BORCS5: variants seen among roughly 807,000 people sequenced by gnomAD.
BORCS5 encodes BLOC-1 related complex subunit 5.
In BORCS5, 17 loss-of-function variants were observed where a neutral mutation model predicts 22.1. The observed-to-expected ratio is 0.77, with a 90% CI of 0.53 to 1.15. BORCS5 has a LOEUF of 1.15. Among genes scored for constraint, BORCS5 ranks in the 50% most tolerant of loss-of-function variants. The pLI is 0.00. For synonymous variants in BORCS5, 117 were observed against 99.8 expected, an observed-to-expected ratio of 1.17 and a Z score of -1.03; for missense variants, 247 against 253.2, an observed-to-expected ratio of 0.98 and a Z score of 0.17.
chr12:12,362,877 C>T (rs1863322098), intron 2 of BORCS5, among the ~76,000 whole-genome samples: 1 of 151,850 alleles, frequency 6.6e-6, no homozygotes, highest in African/African-American at 2.4e-5. Flanking sequence ...TCTCGAACTC[C>T]TGACCTCAGG....
intron 2 of BORCS5, among the ~76,000 whole-genome samples, chr12:12,364,268 T>C (rs985909266): frequency 4.6e-5 from 7 of 151,946 alleles, no homozygotes; most frequent in Admixed American, 2.6e-4. Flanking sequence ...CCCAGCTACT[T>C]GGGAGGCTGA....
chr12:12,372,229 G>A (rs1565836183), intron 2 of BORCS5, among the ~76,000 whole-genome samples: 1 of 152,144 alleles, frequency 6.6e-6, no homozygotes, highest in African/African-American at 2.4e-5. Flanking sequence ...TAGTAGAGAC[G>A]GGGTTTCGCC....
chr12:12,416,433 T>C (rs1224480660), intron 2 of BORCS5, among the ~76,000 whole-genome samples: 1 of 151,898 alleles, frequency 6.6e-6, no homozygotes, highest in Admixed American at 6.6e-5. Context: ...GAGATCTTTC[T>C]TTTTATTTTT....
Position 12,398,647 on chromosome 12 carries a change from G to A in BORCS5, c.203-36981G>A, listed in dbSNP as rs1183173436. ...TCAAGGATGAGTGAAGAAGTCTCTGGAATACAGTGCTATCAAACTCAAAAT... is the reference window on the plus strand; with the variant it reads ...TCAAGGATGAGTGAAGAAGTCTCTGAAATACAGTGCTATCAAACTCAAAAT... On this transcript the variant is annotated intron_variant, in intron 2 of 3. Coordinates refer to ENST00000314565, the MANE Select transcript of BORCS5 (RefSeq NM_058169.6). 2.0e-5 allele frequency among the ~76,000 whole-genome samples: 3 copies of A among 152,080 alleles called. No homozygotes were observed. The East Asian group carries it at 5.8e-4, about 29-fold the overall frequency.
Position 12,362,636 on chromosome 12 carries a change from C to CTTTTTTTTTTTT in BORCS5, c.202+1302_202+1313dup, listed in dbSNP as rs71436712. On this transcript the variant is annotated intron_variant, in intron 2 of 3. Coordinates refer to ENST00000314565, the MANE Select transcript of BORCS5 (RefSeq NM_058169.6). ...CAACACATTATATCATGTTACTCAT[C>CTTTTTTTTTTTT]TTTTTTTTTTTTTTTTTTTTTTTTT... 1.9e-4 allele frequency among the ~76,000 whole-genome samples: 11 copies of CTTTTTTTTTTTT among 57,552 alleles called. 1 individual carries two copies. The highest frequency in any genetic ancestry group is 3.8e-4 in the African/African-American group (7 of 18,236). 37.8% of individuals were successfully genotyped at this position (57,552 alleles called of 152,430 possible). A position where few individuals can be genotyped will look rare whatever the true frequency, so the allele number is the denominator to read the frequency against.
intron 2 of BORCS5, among the ~76,000 whole-genome samples, chr12:12,421,232 C>T (rs1490759287): frequency 6.6e-6 from 1 of 151,994 alleles, no homozygotes; most frequent in Admixed American, 6.6e-5. Flanking sequence ...CCATCAATAC[C>T]CAGTTTATTG....
At chr12:12,434,490 G>T (rs1476502561) in intron 2 of BORCS5, among the ~76,000 whole-genome samples, 1 of 152,212 alleles carries the variant, frequency 6.6e-6, no homozygotes, top group East Asian at 1.9e-4. Flanking sequence ...GACATTATTT[G>T]CAAAACATGC....
chr12:12,376,287 G>C (rs1233300459), intron 2 of BORCS5, among the ~76,000 whole-genome samples: 2 of 148,886 alleles, frequency 1.3e-5, no homozygotes. Context: ...AGGCTGGAGT[G>C]CAGTGGCACC....
intron 2 of BORCS5, among the ~76,000 whole-genome samples, chr12:12,415,097 C>A (rs1480517209): frequency 7.5e-4 from 113 of 150,188 alleles, no homozygotes; most frequent in African/African-American, 2.6e-3. Flanking sequence ...TCCTCATATC[C>A]CAGACGATGG....
In BORCS5 at chr12:12,386,173, G is replaced by A. The variant is rs560665453; in HGVS notation, c.202+24824G>A. 2.7e-5 allele frequency among the ~76,000 whole-genome samples: 4 copies of A among 150,794 alleles called. No homozygotes were observed. The South Asian group carries it at 8.4e-4, about 32-fold the overall frequency. On this transcript the variant is annotated intron_variant, in intron 2 of 3. Coordinates refer to ENST00000314565, the MANE Select transcript of BORCS5 (RefSeq NM_058169.6). ...GTGCCACCATGCCTGGCTAATTTTT[G>A]TATTTTTAGTAGAGACAGCATTTCG...
chr12:12,426,415 A>G (rs144492250), intron 2 of BORCS5, among the ~76,000 whole-genome samples: 1 of 152,358 alleles, frequency 6.6e-6, no homozygotes, highest in East Asian at 1.9e-4. Flanking sequence ...ATTTTATAGC[A>G]GTGAACAGGA....
intron 2 of BORCS5, among the ~76,000 whole-genome samples, chr12:12,372,432 C>T (rs1016879541): frequency 2.6e-5 from 4 of 152,172 alleles, no homozygotes; most frequent in African/African-American, 9.7e-5. Flanking sequence ...GCAGCCTCAA[C>T]CCCCCTGGGC....
chr12:12,407,038 G>A (rs973852380), intron 2 of BORCS5, among the ~76,000 whole-genome samples: 1 of 152,176 alleles, frequency 6.6e-6, no homozygotes, highest in Non-Finnish European at 1.5e-5. Context: ...AGGCAAGTGG[G>A]ACAAAGTGGG....
At position 12,460,729 on chromosome 12, in the gene BORCS5, C is replaced by G. The variant is rs1478038222; in HGVS notation, c.361-4817C>G. 3.9e-5 allele frequency among the ~76,000 whole-genome samples: 6 copies of G among 152,096 alleles called. No homozygotes were observed. The East Asian group carries it at 1.2e-3, about 29-fold the overall frequency. On this transcript the variant is annotated intron_variant, in intron 3 of 3. Coordinates refer to ENST00000314565, the MANE Select transcript of BORCS5 (RefSeq NM_058169.6). ...TTTTTTGAGTGCTTTTTCTTATATC[C>G]ATTGAGACAATCATAGATTTCTAAC...
At chr12:12,390,607 C>T (rs1941149452) in intron 2 of BORCS5, among the ~76,000 whole-genome samples, 1 of 146,730 alleles carries the variant, frequency 6.8e-6, no homozygotes, top group South Asian at 2.1e-4. Flanking sequence ...GTCAACATAG[C>T]AAGACCTTAT....
chr12:12,412,750 G>C (rs1242514828), intron 2 of BORCS5, among the ~76,000 whole-genome samples: 1 of 151,932 alleles, frequency 6.6e-6, no homozygotes, highest in East Asian at 1.9e-4. Flanking sequence ...AAGTTTGCTT[G>C]CATTTCTTTT....
chr12:12,437,973 C>A (rs1942589233), intron 3 of BORCS5, among the ~76,000 whole-genome samples: 1 of 152,058 alleles, frequency 6.6e-6, no homozygotes, highest in Non-Finnish European at 1.5e-5. Context: ...AAGCGATCCT[C>A]CCGCCTCTGC....
intron 2 of BORCS5, among the ~76,000 whole-genome samples, chr12:12,393,421 A>G (rs1321257012): frequency 6.6e-6 from 1 of 151,596 alleles, no homozygotes; most frequent in Non-Finnish European, 1.5e-5. Context: ...AAAAGCCCCC[A>G]CTGAATTGCT....
chr12:12,459,314 T>G (rs1943059670), intron 3 of BORCS5, among the ~76,000 whole-genome samples: 1 of 147,664 alleles, frequency 6.8e-6, no homozygotes, highest in Non-Finnish European at 1.5e-5. Flanking sequence ...AGGTAGCAAT[T>G]TTTTTTTTTT....
Sources: gnomAD v4.1 joint callset for allele counts (sites outside exome capture counted in the v4.1 genomes callset) on GRCh38, gnomAD v4.1.1 for gene constraint, MANE v1.5 for transcripts, NCBI Gene and HGNC (gene_info 2026-07-23, HGNC 2026-07-21) for gene names.